The following PIK3CD variants were observed in gnomAD, a reference collection of about 807,000 sequenced individuals.
PIK3CD encodes the protein phosphatidylinositol 4,5-bisphosphate 3-kinase catalytic subunit delta isoform.
PIK3CD carries 20 observed loss-of-function variants against 122.9 expected under a neutral mutation model. The ratio of observed to expected loss-of-function variants is 0.16; its 90% confidence interval spans 0.11 to 0.24. PIK3CD has a LOEUF of 0.24. PIK3CD is among the 10% of genes least tolerant of loss of function. The probability of loss-of-function intolerance (pLI) is 1.00; values close to 1 mark genes in which losing one functional copy is unlikely to be tolerated. For synonymous variants in PIK3CD, 596 were observed against 593.4 expected (o/e 1.00, Z -0.06); for missense variants, 787 against 1,406.3 (o/e 0.56, Z 7.04).
chr1:9,641,557 G>A, the PIK3CD span, among the ~76,000 whole-genome samples: 2 of 151,326 alleles, frequency 1.3e-5, no homozygotes, highest in South Asian at 2.1e-4. Flanking sequence ...AATTTCTGGG[G>A]AGCCCCCATC....
At position 9,717,723 on chromosome 1, in the gene PIK3CD, T is replaced by C. The variant is rs975562805; in HGVS notation, c.1020+97T>C. On this transcript the variant is annotated intron_variant, in intron 8 of 23. Transcript: ENST00000377346. The surrounding 1 kb of genome is among the most constrained non-coding windows in gnomAD (Gnocchi z 5.4). ...TAGCAGAGGAAGGAGGGGGATCACA[T>C]GAAAGCCACCTGACCACATTACCCA... 9.0e-7 allele frequency: 1 copy of C among 1,108,508 alleles called. No homozygotes were observed. Among genetic ancestry groups the C allele is most frequent in the South Asian group, 1.3e-5 (1 of 76,534 alleles). 68.7% of individuals were successfully genotyped at this position (1,108,508 alleles called of 1,614,324 possible). A position where few individuals can be genotyped will look rare whatever the true frequency, so the allele number is the denominator to read the frequency against.
chr1:9,667,705 G>T (rs1253857779), intron 1 of PIK3CD, among the ~76,000 whole-genome samples: 1 of 151,112 alleles, frequency 6.6e-6, no homozygotes, highest in Non-Finnish European at 1.5e-5. Flanking sequence ...AGGCTCAGAG[G>T]TAATTATTTA....
upstream of PIK3CD, among the ~76,000 whole-genome samples, chr1:9,649,569 G>A (rs777250626): frequency 2.0e-5 from 3 of 152,066 alleles, no homozygotes; most frequent in Non-Finnish European, 4.4e-5. Flanking sequence ...GAGCCAGCAC[G>A]GGGCCCAAGG....
chr1:9,724,841 C>T lies in PIK3CD; in HGVS notation c.2902C>T (p.Arg968Trp), dbSNP rs768257375. 2 of 1,613,874 alleles carry T rather than the reference C, an allele frequency of 1.2e-6. No individual in the cohort carries two copies. Among genetic ancestry groups the T allele is most frequent in the South Asian group, 1.1e-5 (1 of 91,080 alleles). Residue 968 changes from arginine to tryptophan, a missense_variant, in exon 23 of 24, where the codon CGG (arginine) becomes TGG (tryptophan). By Grantham distance (101) the Arg-to-Trp change is moderately radical. This residue lies in a region of PIK3CD where 60 missense variants were observed against 129.5 expected (regional missense o/e 0.46). Coordinates refer to ENST00000377346, the MANE Select transcript of PIK3CD (RefSeq NM_005026.5). The surrounding 1 kb of genome is among the most constrained non-coding windows in gnomAD (Gnocchi z 7.3). ...GYCERAYTIL[R>W]RHGLLFLHLF... ...CTGTGAAAGGGCCTACACCATCCTG[C>T]GGCGCCACGGGCTTCTCTTCCTCCA...
chr1:9,683,448 A>T (rs1645846898), intron 1 of PIK3CD, among the ~76,000 whole-genome samples: 1 of 135,478 alleles, frequency 7.4e-6, no homozygotes, highest in South Asian at 2.6e-4. Flanking sequence ...AAAAAAAAAA[A>T]ATAAAAACAA....
At position 9,723,136 on chromosome 1, in the gene PIK3CD, A is replaced by G; in HGVS notation, c.2438A>G (p.Tyr813Cys). Reference protein sequence around the residue: ...QEGLDLRMTPYGCLPTGDRTG... With the variant: ...QEGLDLRMTPCGCLPTGDRTG... ...TCCCCCTTGCCTAGGATGACCCCCTATGGCTGCCTCCCCACCGGGGACCGC... is the reference window on the plus strand; with the variant it reads ...TCCCCCTTGCCTAGGATGACCCCCTGTGGCTGCCTCCCCACCGGGGACCGC... The change falls in exon 20 of 24, where the codon TAT (tyrosine) becomes TGT (cysteine). Residue 813 changes from tyrosine to cysteine, a missense_variant. Tyr to Cys is a radical substitution (Grantham distance 194). This residue lies in a region of PIK3CD where 69 missense variants were observed against 166.8 expected (regional missense o/e 0.41). Transcript: ENST00000377346. The surrounding 1 kb of genome is among the most constrained non-coding windows in gnomAD (Gnocchi z 4.9). 6.2e-7 allele frequency: 1 copy of G among 1,613,476 alleles called. No homozygotes were observed. The highest frequency in any genetic ancestry group is 8.5e-7 in the Non-Finnish European group (1 of 1,179,980).
chr1:9,695,431 C>G (rs1646367054), intron 2 of PIK3CD, among the ~76,000 whole-genome samples: 1 of 152,130 alleles, frequency 6.6e-6, no homozygotes, highest in African/African-American at 2.4e-5. Context: ...TATAGGACAT[C>G]ATCATGAACT....
chr1:9,706,107 C>A (rs1378142789), intron 2 of PIK3CD, among the ~76,000 whole-genome samples: 3 of 120,334 alleles, frequency 2.5e-5, no homozygotes, highest in African/African-American at 9.9e-5. Flanking sequence ...GTTGCTCAGG[C>A]TGGTCTCAAA....
In PIK3CD at chr1:9,720,618, A is replaced by G. The variant is rs966409603; in HGVS notation, c.1478A>G (p.Glu493Gly). The G allele has an allele frequency of 1.5e-6, 2 of 1,339,326 alleles. No homozygotes were observed. The highest frequency in any genetic ancestry group is 3.4e-5 in the African/African-American group (2 of 58,464). The allele number at this position is 1,339,326 out of a possible 1,614,324, so 83.0% of individuals were successfully genotyped here. A position where few individuals can be genotyped will look rare whatever the true frequency, so the allele number is the denominator to read the frequency against. The change falls in exon 12 of 24, where the codon GAG (glutamate) becomes GGG (glycine). Residue 493 changes from glutamate (E) to glycine (G), a missense_variant. By Grantham distance (98) the Glu-to-Gly change is moderately conservative (BLOSUM62 -2). Transcript: ENST00000377346. This position sits in a 1 kb window ranked among gnomAD's most constrained non-coding sequence, Gnocchi z 9.0. The part of the protein sequence containing the change: ...VYYPALEKIL[E>G]LGRHSECVHV... ...TGCAGCCGTTTGTTGCAGATCTTGG[A>G]GCTGGGGCGACACAGCGAGTGTGTG...
At chr1:9,716,384 C>T (rs1213868398) in intron 5 of PIK3CD, 56 bp from the exon 6 acceptor site, 1 of 1,566,626 alleles carries the variant, frequency 6.4e-7, no homozygotes, top group African/African-American at 1.4e-5. Flanking sequence ...CTGCCCTGTG[C>T]CCCAGAACCC....
At chr1:9,692,660 G>A (rs1406959643) in intron 2 of PIK3CD, among the ~76,000 whole-genome samples, 1 of 151,892 alleles carries the variant, frequency 6.6e-6, no homozygotes, top group Admixed American at 6.6e-5. Context: ...AACCCAGGAG[G>A]CGGAGGTTGC....
chr1:9,721,333 A>T, intron 14 of PIK3CD, 85 bp downstream of exon 14: 2 of 1,609,308 alleles, frequency 1.2e-6, no homozygotes, highest in Non-Finnish European at 8.5e-7. Flanking sequence ...TGGGGCCTGA[A>T]CCTTCCCGTG....
chr1:9,654,084 A>C, intron 1 of PIK3CD: 1 of 1,185,372 alleles, frequency 8.4e-7, no homozygotes, highest in Non-Finnish European at 1.1e-6. Flanking sequence ...GAAACATAAT[A>C]CAACAACCCA....
intron 3 of PIK3CD, among the ~76,000 whole-genome samples, chr1:9,712,077 G>A (rs183430751): frequency 1.3e-3 from 191 of 150,346 alleles, no homozygotes; most frequent in African/African-American, 4.0e-3. Context: ...TTTGTAAACA[G>A]CATCTTTGGA....
chr1:9,643,499 A>G, the PIK3CD span, among the ~76,000 whole-genome samples: 1 of 149,112 alleles, frequency 6.7e-6, no homozygotes, highest in African/African-American at 2.5e-5. Flanking sequence ...GAGGGAGGGA[A>G]GGAAGGGAAG....
rs1433491546 is a variant in PIK3CD at position 9,722,562 on chromosome 1, C to T, written c.2382C>T (p.Ile794=). 6.2e-7 allele frequency: 1 copy of T among 1,613,682 alleles called. No individual in the cohort carries two copies. Residue 794 remains isoleucine (I), a synonymous_variant, in exon 19 of 24, where the codon ATC becomes ATT. Transcript: ENST00000377346. This position sits in a 1 kb window ranked among gnomAD's most constrained non-coding sequence, Gnocchi z 7.6. The stretch of plus-strand genomic sequence containing the variant: ...AGGACATGCTGACCCTGCAGATGAT[C>T]CAGCTCATGGACGTCCTGTGGAAGC... ...LRQDMLTLQM[I]QLMDVLWKQE... is the part of the protein sequence containing the mutation.
rs755144547 is a variant in PIK3CD at position 9,719,949 on chromosome 1, T to C, written c.1271T>C (p.Met424Thr). The C allele has an allele frequency of 2.5e-5, 41 of 1,613,674 alleles. No individual in the cohort carries two copies. The South Asian group carries it at 3.0e-4, about 12-fold the overall frequency. The change falls in exon 10 of 24, where the codon ATG (methionine) becomes ACG (threonine). Residue 424 changes from methionine to threonine, a missense_variant. Met to Thr is a moderately conservative substitution (Grantham distance 81). Coordinates refer to ENST00000377346, the MANE Select transcript of PIK3CD (RefSeq NM_005026.5). This position sits in a 1 kb window ranked among gnomAD's most constrained non-coding sequence, Gnocchi z 5.5. ...ADCPIAWANLMLFDYKDQLKT... is the reference protein window; with the variant it reads ...ADCPIAWANLTLFDYKDQLKT... ...TGCCCCATTGCCTGGGCCAACCTCA[T>C]GCTGTTTGACTACAAGGACCAGCTT... is the stretch of plus-strand genomic sequence containing the variant.
chr1:9,691,297 CA>C (rs1646187828), intron 1 of PIK3CD, among the ~76,000 whole-genome samples, 169 bp from the exon 2 acceptor site: 1 of 152,166 alleles, frequency 6.6e-6, no homozygotes, highest in South Asian at 2.1e-4. Flanking sequence ...GGCATTGACG[CA>C]GATGGCAAGA....
At position 9,689,852 on chromosome 1, in the gene PIK3CD, T is replaced by C. The variant is rs1646131246; in HGVS notation, c.-137-1615T>C. 6.6e-6 allele frequency among the ~76,000 whole-genome samples: 1 copy of C among 150,600 alleles called. No homozygotes were observed. Among genetic ancestry groups the C allele is most frequent in the Non-Finnish European group, 1.5e-5 (1 of 67,384 alleles). ...GGGTGGGCAGGGTCGGTGGAGGCGA[T>C]CAGGGGTCCGGGGCCGTGGGGGCTT... is the stretch of plus-strand genomic sequence containing the variant. On this transcript the variant is annotated intron_variant, in intron 1 of 23. Coordinates refer to ENST00000377346, the MANE Select transcript of PIK3CD (RefSeq NM_005026.5). This position sits in a 1 kb window ranked among gnomAD's most constrained non-coding sequence, Gnocchi z 6.1.
Sources: allele counts gnomAD v4.1 joint callset (sites outside exome capture counted in the v4.1 genomes callset), GRCh38; gene constraint gnomAD v4.1.1; regional missense constraint gnomAD v4.1.1; non-coding constraint Gnocchi (gnomAD v3.1); transcripts MANE v1.5; gene names NCBI Gene and HGNC (gene_info 2026-07-23, HGNC 2026-07-21).